The following PPARGC1A variants were observed in gnomAD, a reference collection of about 807,000 sequenced individuals.
PPARGC1A encodes peroxisome proliferator-activated receptor gamma coactivator 1-alpha.
A neutral mutation model predicts 88.7 loss-of-function variants in PPARGC1A; 25 were observed. That is an observed-to-expected ratio of 0.28 (90% CI 0.21 to 0.39). PPARGC1A has a LOEUF of 0.39. Among genes scored for constraint, PPARGC1A ranks in the 10% least tolerant of loss-of-function variants. PPARGC1A has a pLI of 1.00. For missense variants in PPARGC1A, 880 were observed against 968.7 expected, an observed-to-expected ratio of 0.91 and a Z score of 1.22; for synonymous variants, 363 against 355.6, an observed-to-expected ratio of 1.02 and a Z score of -0.24.
At chr4:24,120,229 C>T in the PPARGC1A span, among the ~76,000 whole-genome samples, 7 of 152,168 alleles carry the variant, frequency 4.6e-5, no homozygotes, top group Admixed American at 2.0e-4. Flanking sequence ...TCCCAAACTC[C>T]GAGTCCCAGG....
At chr4:24,413,430 T>C in the PPARGC1A span, among the ~76,000 whole-genome samples, 1 of 152,194 alleles carries the variant, frequency 6.6e-6, no homozygotes, top group Non-Finnish European at 1.5e-5. Context: ...AGGGAGATTA[T>C]GCCAGGAACA....
chr4:24,239,682 T>C, the PPARGC1A span, among the ~76,000 whole-genome samples: 21 of 152,128 alleles, frequency 1.4e-4, no homozygotes, highest in African/African-American at 4.6e-4. Context: ...GAGTAAGTAG[T>C]TGGCTTGTTT....
chr4:23,805,910 T>C (rs778505573), intron 10 of PPARGC1A, among the ~76,000 whole-genome samples: 1 of 152,214 alleles, frequency 6.6e-6, no homozygotes, highest in Non-Finnish European at 1.5e-5. Flanking sequence ...ATCGACCATA[T>C]GTATGCCCAT....
At chr4:24,053,497 G>T in the PPARGC1A span, among the ~76,000 whole-genome samples, 16 of 35,932 alleles carry the variant, frequency 4.5e-4, no homozygotes, top group Non-Finnish European at 1.8e-3. Flanking sequence ...GAAAAAATGA[G>T]GGCAATAAGA....
chr4:24,306,054 T>C, the PPARGC1A span, among the ~76,000 whole-genome samples: 8 of 152,278 alleles, frequency 5.3e-5, no homozygotes, highest in South Asian at 1.7e-3. Context: ...AGTCAGTATC[T>C]ATGAGTTACG....
At position 23,824,307 on chromosome 4, in the gene PPARGC1A, A is replaced by C. The variant is rs751603523; in HGVS notation, c.850T>G (p.Leu284Val). Residue 284 changes from leucine to valine, a missense_variant, in exon 7 of 13, where the codon TTA becomes GTA. Physicochemically the swap from Leu to Val is conservative, Grantham distance 32. Transcript: ENST00000264867. The part of the protein sequence containing the change: ...PFENKTIERT[L>V]SVELSGTAGL... ...GCAGTTCCAGAGAGTTCCACACTTA[A>C]GGTGCGTTCAATAGTCTTGTTCTCA... is the stretch of plus-strand genomic sequence containing the variant. 6.2e-7 allele frequency: 1 copy of C among 1,613,488 alleles called. No homozygotes were observed. Among genetic ancestry groups the C allele is most frequent in the African/African-American group, 1.3e-5 (1 of 74,872 alleles).
the PPARGC1A span, among the ~76,000 whole-genome samples, chr4:24,392,595 C>T: frequency 1.3e-5 from 2 of 152,180 alleles, no homozygotes; most frequent in African/African-American, 4.8e-5. Flanking sequence ...CATCATTCCT[C>T]CTTAACAGAG....
the PPARGC1A span, among the ~76,000 whole-genome samples, chr4:24,324,036 C>T: frequency 6.6e-6 from 1 of 152,180 alleles, no homozygotes; most frequent in Admixed American, 6.5e-5. Context: ...AAAACTCTGG[C>T]GCCGGTCACG....
chr4:24,056,581 T>G, the PPARGC1A span, among the ~76,000 whole-genome samples: 1 of 152,196 alleles, frequency 6.6e-6, no homozygotes, highest in Non-Finnish European at 1.5e-5. Flanking sequence ...AATAGGGCCC[T>G]TATTTTTCCT....
chr4:24,116,796 C>A, the PPARGC1A span, among the ~76,000 whole-genome samples: 1 of 152,198 alleles, frequency 6.6e-6, no homozygotes, highest in East Asian at 1.9e-4. Flanking sequence ...AAAACTTTGT[C>A]TCAAATCCAG....
chr4:24,464,009 T>A, the PPARGC1A span, among the ~76,000 whole-genome samples: 1 of 152,328 alleles, frequency 6.6e-6, no homozygotes, highest in East Asian at 1.9e-4. Flanking sequence ...TCCCTATTAT[T>A]CAGAAAGGGT....
chr4:23,936,638 G>A, the PPARGC1A span, among the ~76,000 whole-genome samples: 2,082 of 152,212 alleles, frequency 0.014, 19 homozygotes, highest in Non-Finnish European at 0.016. Flanking sequence ...TTGGTAGGCC[G>A]AGGCGGGTGG....
At chr4:24,135,154 A>T in the PPARGC1A span, among the ~76,000 whole-genome samples, 58,104 of 151,886 alleles carry the variant, frequency 0.38, 12,511 homozygotes, top group African/African-American at 0.59. Flanking sequence ...AATTGACTCT[A>T]TTAAAACTAC....
the PPARGC1A span, among the ~76,000 whole-genome samples, chr4:24,263,972 A>AC: frequency 4.9e-4 from 74 of 151,602 alleles, no homozygotes; most frequent in Non-Finnish European, 5.6e-4. Context: ...CTGATCTTGT[A>AC]CCCCCCGGGC....
the PPARGC1A span, among the ~76,000 whole-genome samples, chr4:24,251,192 A>G: frequency 6.6e-6 from 1 of 152,194 alleles, no homozygotes; most frequent in Non-Finnish European, 1.5e-5. Flanking sequence ...GTTATTAGCA[A>G]TACAGATGCT....
chr4:24,235,470 A>G, the PPARGC1A span, among the ~76,000 whole-genome samples: 2 of 152,206 alleles, frequency 1.3e-5, no homozygotes, highest in African/African-American at 4.8e-5. Context: ...GTAATTAACA[A>G]TAAGCCTCTT....
At chr4:24,137,587 A>G in the PPARGC1A span, among the ~76,000 whole-genome samples, 26 of 152,330 alleles carry the variant, frequency 1.7e-4, no homozygotes, top group South Asian at 5.4e-3. Context: ...AGTGAGAAAA[A>G]GAGAAAGTCA....
At chr4:23,831,408 C>A in intron 3 of PPARGC1A, 149 bp downstream of exon 3, 1 of 629,150 alleles carries the variant, frequency 1.6e-6, no homozygotes, top group South Asian at 2.7e-5. Context: ...CAGAGAATCA[C>A]ACAATTTGCA....
At chr4:24,201,603 A>G in the PPARGC1A span, among the ~76,000 whole-genome samples, 1 of 152,242 alleles carries the variant, frequency 6.6e-6, no homozygotes, top group African/African-American at 2.4e-5. Flanking sequence ...TTCTAATTGC[A>G]TATAATCTTC....
Sources: gnomAD v4.1 joint callset for allele counts (sites outside exome capture counted in the v4.1 genomes callset) on GRCh38, gnomAD v4.1.1 for gene constraint, MANE v1.5 for transcripts, NCBI Gene and HGNC (gene_info 2026-07-23, HGNC 2026-07-21) for gene names.